Variants in PLXDC1 observed in about 807,000 individuals in gnomAD.
The protein encoded by PLXDC1 is plexin domain containing 1, also known as plexin domain-containing protein 1.
PLXDC1 carries 39 observed loss-of-function variants against 61.3 expected under a neutral mutation model. The ratio of observed to expected loss-of-function variants is 0.64; its 90% CI spans 0.49 to 0.83. The LOEUF is 0.83. PLXDC1 is among the 40% of genes least tolerant of loss of function. The probability of loss-of-function intolerance (pLI) is 0.00; values close to 1 mark genes in which losing one functional copy is unlikely to be tolerated. For synonymous variants in PLXDC1, 212 were observed against 254.5 expected, an observed-to-expected ratio of 0.83 and a Z score of 1.59; for missense variants, 596 against 666.5, an observed-to-expected ratio of 0.89 and a Z score of 1.17.
At chr17:39,114,016 C>T (rs1910892158) in intron 2 of PLXDC1, among the ~76,000 whole-genome samples, 1 of 152,090 alleles carries the variant, frequency 6.6e-6, no homozygotes, top group Non-Finnish European at 1.5e-5. Flanking sequence ...GACTGCTTGT[C>T]CCTCTTATCT....
Position 39,064,549 on chromosome 17 carries a change from G to A in PLXDC1, c.*3291C>T, listed in dbSNP as rs558592960. On this transcript the variant is annotated 3_prime_UTR_variant, in exon 14 of 14. Transcript: ENST00000315392. ...TTCTTAGTCATACCCATTTATACAT[G>A]TCATGAGGGTCATTGCCAAAGAAAG... 6.6e-6 allele frequency: 1 copy of A among 152,306 alleles called. No individual in the cohort carries two copies. The highest frequency in any genetic ancestry group is 2.1e-4 in the South Asian group (1 of 4,830). 9.4% of individuals were successfully genotyped at this position (152,306 alleles called of 1,614,324 possible).
chr17:39,088,167 G>A (rs1008479823), intron 7 of PLXDC1, among the ~76,000 whole-genome samples: 8 of 152,188 alleles, frequency 5.3e-5, no homozygotes, highest in African/African-American at 1.9e-4. Flanking sequence ...GGACATGAGG[G>A]TCTATTTGGA....
chr17:39,107,394 TG>T lies in PLXDC1; in HGVS notation c.711+12del. On this transcript the variant is annotated intron_variant, in intron 6 of 13. Transcript: ENST00000315392. ...TCCAAGACCCAGCTGTCTCTGCAGC[TG>T]GGCCCACTCACCTCTTTATAGGCAA... The T allele has an allele frequency of 1.3e-6, 2 of 1,503,712 alleles. No individual in the cohort carries two copies. The highest frequency in any genetic ancestry group is 1.8e-6 in the Non-Finnish European group (2 of 1,092,742). 93.1% of individuals were successfully genotyped at this position (1,503,712 alleles called of 1,614,324 possible).
chr17:39,136,958 G>C (rs561708822), intron 2 of PLXDC1, among the ~76,000 whole-genome samples: 7 of 152,210 alleles, frequency 4.6e-5, no homozygotes, highest in African/African-American at 1.7e-4. Context: ...ATCTAACCAT[G>C]AGGAATTGTA....
chr17:39,087,806 G>A, intron 7 of PLXDC1, 104 bp from the exon 8 acceptor site: 2 of 754,580 alleles, frequency 2.7e-6, no homozygotes, highest in South Asian at 1.6e-5. Context: ...ACTGAAGGCA[G>A]TAAGTGCACC....
chr17:39,098,172 T>A (rs1221412665), intron 7 of PLXDC1, among the ~76,000 whole-genome samples: 3 of 126,928 alleles, frequency 2.4e-5, no homozygotes, highest in African/African-American at 9.2e-5. Context: ...GCCATTGCAC[T>A]CCAGCCTGGG....
At chr17:39,074,357 CT>C (rs776937454) in intron 11 of PLXDC1, among the ~76,000 whole-genome samples, 3 of 152,114 alleles carry the variant, frequency 2.0e-5, no homozygotes, top group Non-Finnish European at 2.9e-5. Context: ...AAAGTTTTTT[CT>C]CTTATAGATG....
intron 2 of PLXDC1, among the ~76,000 whole-genome samples, chr17:39,110,131 A>G (rs1242114753): frequency 1.2e-5 from 1 of 80,628 alleles, no homozygotes; most frequent in Non-Finnish European, 2.8e-5. Flanking sequence ...GTCTCAAAAG[A>G]AGGAGAAAAA....
chr17:39,136,929 A>G (rs540231589), intron 2 of PLXDC1, among the ~76,000 whole-genome samples: 3 of 152,336 alleles, frequency 2.0e-5, no homozygotes, highest in Admixed American at 2.0e-4. Flanking sequence ...AAATTGAAGG[A>G]TCACTTCCAG....
At chr17:39,077,858 G>A (rs3744078) in intron 11 of PLXDC1, 55 bp downstream of exon 11, 853,066 of 1,594,872 alleles carry the variant, frequency 0.53, 231,464 homozygotes, top group Admixed American at 0.66. Flanking sequence ...CCAGAGGGGT[G>A]GGTAGCTCTC....
At chr17:39,102,868 C>G (rs1246741404) in intron 7 of PLXDC1, among the ~76,000 whole-genome samples, 1 of 152,110 alleles carries the variant, frequency 6.6e-6, no homozygotes, top group African/African-American at 2.4e-5. Flanking sequence ...GGTGAAAAAC[C>G]TAATCTCTGT....
Position 39,123,005 on chromosome 17 carries a change from G to A in PLXDC1, c.256-13614C>T, listed in dbSNP as rs535979848. Among the ~76,000 whole-genome samples the A allele has an allele frequency of 4.6e-5, 7 of 152,316 alleles. No homozygotes were observed. In the South Asian group the frequency reaches 1.4e-3, roughly 32 times the overall value. On this transcript the variant is annotated intron_variant, in intron 2 of 13. Coordinates refer to ENST00000315392, the MANE Select transcript of PLXDC1 (RefSeq NM_020405.5). ...CACCCTCACTCCCACAGCAGCCCGT[G>A]AAGCGCTCCTCAGACCCTCGGGGTT...
chr17:39,100,319 G>A (rs550221162), intron 7 of PLXDC1, among the ~76,000 whole-genome samples: 8 of 152,022 alleles, frequency 5.3e-5, no homozygotes, highest in Non-Finnish European at 8.8e-5. Context: ...GAGGTGGTGC[G>A]ATCTCAGCTC....
intron 2 of PLXDC1, among the ~76,000 whole-genome samples, chr17:39,118,074 C>CTCCCTCCT: frequency 9.8e-6 from 1 of 101,730 alleles, no homozygotes; most frequent in African/African-American, 3.8e-5. Context: ...CCCTCCCTCC[C>CTCCCTCCT]TCCCTCCCTC....
chr17:39,128,087 C>CTATGTATATATATATATATATATATATA (rs1304464750), intron 2 of PLXDC1, among the ~76,000 whole-genome samples: 1 of 67,234 alleles, frequency 1.5e-5, no homozygotes, highest in East Asian at 5.4e-4. Flanking sequence ...CTCTCTCTCT[C>CTATGTATATATATATATATATATATATA]TCTCTATGTG....
At chr17:39,102,045 T>C (rs1272411717) in intron 7 of PLXDC1, among the ~76,000 whole-genome samples, 1 of 152,116 alleles carries the variant, frequency 6.6e-6, no homozygotes, top group African/African-American at 2.4e-5. Context: ...TCCTGGCCTG[T>C]TGGGAATTAA....
At position 39,139,843 on chromosome 17, in the gene PLXDC1, G is replaced by A; in HGVS notation, c.77-11C>T. On this transcript the variant is annotated splice_polypyrimidine_tract_variant and intron_variant, in intron 1 of 13. Coordinates refer to ENST00000315392, the MANE Select transcript of PLXDC1 (RefSeq NM_020405.5). ...GGCCCTCATCGTGACCTGGGAGAAG[G>A]GGACAGAAACCTGAGTGCCAGCAGT... 1 of 1,589,704 alleles carries A rather than the reference G, an allele frequency of 6.3e-7. No homozygotes were observed. The highest frequency in any genetic ancestry group is 1.3e-5 in the African/African-American group (1 of 74,604).
chr17:39,063,921 C>G lies in PLXDC1; in HGVS notation c.*3919G>C, dbSNP rs1008365355. On this transcript the variant is annotated 3_prime_UTR_variant, in exon 14 of 14. Transcript: ENST00000315392. ...AGAGAGCCTTAGCCTTGCCTGCAAC[C>G]AGATGAATGGTTAGCTTTAGTGGTG... The G allele has an allele frequency of 6.1e-6, 1 of 164,402 alleles. No homozygotes were observed. Among genetic ancestry groups the G allele is most frequent in the Non-Finnish European group, 1.3e-5 (1 of 75,406 alleles). 10.2% of individuals were successfully genotyped at this position (164,402 alleles called of 1,614,324 possible). A position where few individuals can be genotyped will look rare whatever the true frequency, so the allele number is the denominator to read the frequency against.
chr17:39,128,547 A>G (rs1381790502), intron 2 of PLXDC1, among the ~76,000 whole-genome samples: 1 of 152,022 alleles, frequency 6.6e-6, no homozygotes, highest in East Asian at 1.9e-4. Context: ...AGGGAAAATA[A>G]CAAGTGTTGG....
Sources: gnomAD v4.1 joint callset for allele counts (sites outside exome capture counted in the v4.1 genomes callset) on GRCh38, gnomAD v4.1.1 for gene constraint, MANE v1.5 for transcripts, NCBI Gene and HGNC (gene_info 2026-07-23, HGNC 2026-07-21) for gene names.